Variants in TFDP1 observed in about 807,000 individuals in gnomAD.
The protein encoded by TFDP1 is DRTF1-polypeptide 1.
A neutral mutation model predicts 48.0 loss-of-function variants in TFDP1; 6 were observed. The ratio of observed to expected loss-of-function variants is 0.13; its 90% CI spans 0.07 to 0.25. The LOEUF is 0.25. TFDP1 is among the 10% of genes least tolerant of loss of function. The pLI, the probability that TFDP1 is intolerant of heterozygous loss-of-function variation, is 1.00. For missense variants in TFDP1, 335 were observed against 543.0 expected (o/e 0.62, Z 3.81); for synonymous variants, 201 against 211.6 (o/e 0.95, Z 0.44).
chr13:113,620,934 G>C (rs2048980268), intron 3 of TFDP1, among the ~76,000 whole-genome samples: 1 of 152,194 alleles, frequency 6.6e-6, no homozygotes, highest in South Asian at 2.1e-4. Context: ...ACTTCCTAAT[G>C]ATCTGTCTTG....
chr13:113,627,363 G>A lies in TFDP1; in HGVS notation c.186+4077G>A, dbSNP rs533749695. Among the ~76,000 whole-genome samples the A allele has an allele frequency of 3.3e-5, 5 of 152,276 alleles. No individual in the cohort carries two copies. Among genetic ancestry groups the A allele is most frequent in the African/African-American group, 1.2e-4 (5 of 41,560 alleles). Reference sequence around the variant, plus strand: ...TATGTGCTCAGCCGGCAGGAGCAGCGGCCTGTGTGAGCCCCTGGGGAGAAG... The same window carrying A: ...TATGTGCTCAGCCGGCAGGAGCAGCAGCCTGTGTGAGCCCCTGGGGAGAAG... On this transcript the variant is annotated intron_variant, in intron 4 of 11. Coordinates refer to ENST00000375370, the MANE Select transcript of TFDP1 (RefSeq NM_007111.5). This position sits in a 1 kb window ranked among gnomAD's most constrained non-coding sequence, Gnocchi z 4.1.
chr13:113,612,486 A>AGATTGC (rs2048731868), intron 3 of TFDP1, among the ~76,000 whole-genome samples: 1 of 152,258 alleles, frequency 6.6e-6, no homozygotes, highest in Admixed American at 6.5e-5. Context: ...GAGGATTCAC[A>AGATTGC]GATTGCTTGA....
intron 3 of TFDP1, among the ~76,000 whole-genome samples, chr13:113,616,499 C>T (rs747835531): frequency 7.2e-5 from 11 of 152,312 alleles, no homozygotes; most frequent in Admixed American, 2.6e-4. Flanking sequence ...CCGGGTCCCT[C>T]GTTTGCTGCT....
chr13:113,633,814 G>A lies in TFDP1; in HGVS notation c.475-76G>A. On this transcript the variant is annotated intron_variant, in intron 6 of 11. Transcript: ENST00000375370. This position sits in a 1 kb window ranked among gnomAD's most constrained non-coding sequence, Gnocchi z 4.5. ...GTGAGCGGGGTGCCCCTTTGAGCCA[G>A]TGCCCATGGTCTACAGTTTAAGGAT... 6.5e-7 allele frequency: 1 copy of A among 1,527,184 alleles called. No homozygotes were observed. The highest frequency in any genetic ancestry group is 2.5e-4 in the Middle Eastern group (1 of 4,034). The allele number at this position is 1,527,184 out of a possible 1,614,324, so 94.6% of individuals were successfully genotyped here. A position where few individuals can be genotyped will look rare whatever the true frequency, so the allele number is the denominator to read the frequency against.
intron 1 of TFDP1, chr13:113,585,245 C>G (rs967896516): frequency 6.7e-6 from 1 of 149,742 alleles, no homozygotes; most frequent in Non-Finnish European, 1.5e-5. Flanking sequence ...CGCGGGGACC[C>G]GGTTCCGGCG....
intron 5 of TFDP1, among the ~76,000 whole-genome samples, chr13:113,632,555 A>G (rs772558393): frequency 2.6e-5 from 4 of 152,154 alleles, no homozygotes; most frequent in Non-Finnish European, 5.9e-5. Context: ...AGGCCAGCAG[A>G]TCACGAGTTC....
chr13:113,586,099 A>G (rs1039143986), intron 2 of TFDP1: 16 of 399,178 alleles, frequency 4.0e-5, no homozygotes, highest in African/African-American at 2.9e-4. Context: ...GTGCCTTCTG[A>G]CTTTTTCCTT....
chr13:113,614,327 G>A (rs1358284675), intron 3 of TFDP1, among the ~76,000 whole-genome samples: 1 of 152,208 alleles, frequency 6.6e-6, no homozygotes. Context: ...GTCTTCACTA[G>A]TGGGCCCCCC....
At chr13:113,610,787 T>A (rs778960333) in intron 2 of TFDP1, among the ~76,000 whole-genome samples, 10 of 152,244 alleles carry the variant, frequency 6.6e-5, no homozygotes, top group Non-Finnish European at 1.0e-4. Flanking sequence ...GACGGTGCTG[T>A]TTTGGCCCTG....
At chr13:113,599,861 A>T (rs143192219) in intron 2 of TFDP1, among the ~76,000 whole-genome samples, 86 of 148,848 alleles carry the variant, frequency 5.8e-4, no homozygotes, top group African/African-American at 2.1e-3. Flanking sequence ...ACCGTGAAAG[A>T]GAACCCTTGT....
At position 113,640,884 on chromosome 13, in the gene TFDP1, TCTCC is replaced by T. The variant is rs1293854168; in HGVS notation, c.*620_*623del. 5.9e-5 allele frequency: 9 copies of T among 152,902 alleles called. No homozygotes were observed. Among genetic ancestry groups the T allele is most frequent in the African/African-American group, 2.2e-4 (9 of 41,456 alleles). 9.5% of individuals were successfully genotyped at this position (152,902 alleles called of 1,614,324 possible). On this transcript the variant is annotated 3_prime_UTR_variant, in exon 12 of 12. Transcript: ENST00000375370. Reference sequence around the variant, plus strand: ...TCCATCAAGTTTGTACACTCTTTTCTCTCCCTGTTTTGCAGCAACAAATTGCGAA... The same window carrying T: ...TCCATCAAGTTTGTACACTCTTTTCTCTGTTTTGCAGCAACAAATTGCGAA...
intron 4 of TFDP1, 69 bp from the exon 5 acceptor site, chr13:113,631,554 G>C (rs1403754102): frequency 1.3e-6 from 2 of 1,551,346 alleles, no homozygotes; most frequent in African/African-American, 2.8e-5. Context: ...ATAGCGAACA[G>C]ATGGTGGGCA....
intron 8 of TFDP1, among the ~76,000 whole-genome samples, chr13:113,634,812 T>TGC (rs936299143): frequency 6.0e-5 from 9 of 150,504 alleles, no homozygotes; most frequent in African/African-American, 9.8e-5. Context: ...CATGTGTGTG[T>TGC]GCGTGCATGC....
chr13:113,595,518 A>G (rs2048265364), intron 2 of TFDP1, among the ~76,000 whole-genome samples: 1 of 152,018 alleles, frequency 6.6e-6, no homozygotes, highest in Non-Finnish European at 1.5e-5. Context: ...AAGGCGGTGG[A>G]GTTAGGAGCG....
At chr13:113,613,161 T>C (rs1190402009) in intron 3 of TFDP1, among the ~76,000 whole-genome samples, 5 of 152,106 alleles carry the variant, frequency 3.3e-5, no homozygotes, top group Non-Finnish European at 7.4e-5. Context: ...GGATTAGAGG[T>C]GCCCACCACC....
chr13:113,608,300 A>G (rs917257496), intron 2 of TFDP1, among the ~76,000 whole-genome samples: 1 of 152,210 alleles, frequency 6.6e-6, no homozygotes, highest in African/African-American at 2.4e-5. Flanking sequence ...GCTCATGCTC[A>G]TCCTGGTGAG....
At chr13:113,619,795 G>C (rs922434123) in intron 3 of TFDP1, among the ~76,000 whole-genome samples, 5 of 152,200 alleles carry the variant, frequency 3.3e-5, no homozygotes, top group Admixed American at 2.6e-4. Flanking sequence ...GTGCTGCTGG[G>C]TTGGTGTGGT....
chr13:113,609,788 C>T (rs2048661606), intron 2 of TFDP1, among the ~76,000 whole-genome samples: 1 of 152,116 alleles, frequency 6.6e-6, no homozygotes, highest in Admixed American at 6.5e-5. Flanking sequence ...AGGCAGCAAC[C>T]CTCATCGCTG....
intron 8 of TFDP1, 81 bp downstream of exon 8, chr13:113,634,683 G>C (rs1220751061): frequency 1.4e-5 from 15 of 1,035,754 alleles, no homozygotes; most frequent in African/African-American, 3.2e-5. Flanking sequence ...ACTGCCTTGG[G>C]TTACACTCCT....
Sources: allele counts gnomAD v4.1 joint callset (sites outside exome capture counted in the v4.1 genomes callset), GRCh38; gene constraint gnomAD v4.1.1; non-coding constraint Gnocchi (gnomAD v3.1); transcripts MANE v1.5; gene names NCBI Gene and HGNC (gene_info 2026-07-23, HGNC 2026-07-21).